The following RNF19A variants were observed in gnomAD, a reference collection of about 807,000 sequenced individuals.
The protein encoded by RNF19A is ring finger protein 19A, RBR E3 ubiquitin protein ligase.
Under a neutral mutation model 75.7 loss-of-function variants are expected in RNF19A, and 32 were observed. The ratio of observed to expected loss-of-function variants is 0.42; its 90% CI spans 0.32 to 0.57. RNF19A has a LOEUF of 0.57. RNF19A is among the 20% of genes least tolerant of loss of function. RNF19A has a pLI of 0.10. For missense variants in RNF19A, 782 were observed against 1,036.3 expected, an observed-to-expected ratio of 0.75 and a Z score of 3.37; for synonymous variants, 335 against 345.2, an observed-to-expected ratio of 0.97 and a Z score of 0.33.
chr8:100,279,114 G>A (rs898323600), intron 2 of RNF19A, among the ~76,000 whole-genome samples: 1 of 152,066 alleles, frequency 6.6e-6, no homozygotes, highest in African/African-American at 2.4e-5. Flanking sequence ...TAGAGAACAA[G>A]ATTTTTGAGA....
At chr8:100,278,234 A>G (rs1051826224) in intron 2 of RNF19A, among the ~76,000 whole-genome samples, 3 of 152,234 alleles carry the variant, frequency 2.0e-5, no homozygotes, top group African/African-American at 7.2e-5. Context: ...CTTTGATAAC[A>G]TTTCTCATAG....
chr8:100,287,371 T>C lies in RNF19A; in HGVS notation c.674+130A>G, dbSNP rs1586646593. 2.7e-6 allele frequency: 2 copies of C among 728,514 alleles called. No homozygotes were observed. Among genetic ancestry groups the C allele is most frequent in the Admixed American group, 2.8e-5 (1 of 35,850 alleles). The allele number at this position is 728,514 out of a possible 1,614,324, so 45.1% of individuals were successfully genotyped here. On this transcript the variant is annotated intron_variant, in intron 2 of 9. Coordinates refer to ENST00000341084, the MANE Select transcript of RNF19A (RefSeq NM_183419.4). This position sits in a 1 kb window ranked among gnomAD's most constrained non-coding sequence, Gnocchi z 4.1. ...AACACCTAGCATAGTGCCTGACATA[T>C]GGTGTGCACTCAACATGTCTGTTGA...
Position 100,269,900 on chromosome 8 carries a change from T to C in RNF19A, c.997A>G (p.Met333Val). ...TAATGCAAATCTGAGATTTCTTTCA[T>C]ACACAACCAACAAAACTCACAACCA... ...VCGCEFCWLC[M>V]KEISDLHYLS... The change falls in exon 4 of 10, where the codon ATG becomes GTG. Residue 333 changes from methionine (M) to valine (V), a missense_variant. Physicochemically the swap from Met to Val is conservative, Grantham distance 21. Coordinates refer to ENST00000341084, the MANE Select transcript of RNF19A (RefSeq NM_183419.4). The surrounding 1 kb of genome is among the most constrained non-coding windows in gnomAD (Gnocchi z 5.7). 5 of 1,609,620 alleles carry C rather than the reference T, an allele frequency of 3.1e-6. No individual in the cohort carries two copies. The highest frequency in any genetic ancestry group is 4.2e-6 in the Non-Finnish European group (5 of 1,177,972).
chr8:100,276,476 G>T (rs916669384), intron 2 of RNF19A, among the ~76,000 whole-genome samples: 2 of 151,948 alleles, frequency 1.3e-5, no homozygotes, highest in Non-Finnish European at 2.9e-5. Flanking sequence ...CACAGGCCAG[G>T]CATGGTGGCT....
Position 100,261,131 on chromosome 8 carries a change from G to A in RNF19A, c.1682+411C>T, listed in dbSNP as rs1272622179. On this transcript the variant is annotated intron_variant, in intron 8 of 9. Transcript: ENST00000341084. This position sits in a 1 kb window ranked among gnomAD's most constrained non-coding sequence, Gnocchi z 4.4. ...TTTTTTTTTGAGACAGGGTCTCACT[G>A]TCACTCAGGTTGGAGCTCAGTGGTG... Among the ~76,000 whole-genome samples, 4 of 151,764 alleles carry A rather than the reference G, an allele frequency of 2.6e-5. No individual in the cohort carries two copies. The highest frequency in any genetic ancestry group is 7.3e-5 in the African/African-American group (3 of 41,290).
At chr8:100,281,231 C>T (rs533661172) in intron 2 of RNF19A, among the ~76,000 whole-genome samples, 2 of 152,288 alleles carry the variant, frequency 1.3e-5, no homozygotes, top group South Asian at 2.1e-4. Flanking sequence ...AAACAGCAGT[C>T]TCTCCAGAAG....
At position 100,331,908 on chromosome 8, in the gene RNF19A, T is replaced by A. The variant is rs1366740974; in HGVS notation, c.-243+4200A>T. Among the ~76,000 whole-genome samples the A allele has an allele frequency of 6.6e-6, 1 of 152,166 alleles. No homozygotes were observed. Among genetic ancestry groups the A allele is most frequent in the East Asian group, 1.9e-4 (1 of 5,198 alleles). On this transcript the variant is annotated intron_variant, in intron 1 of 3. Coordinates refer to the RNF19A transcript ENST00000519527. The surrounding 1 kb of genome is among the most constrained non-coding windows in gnomAD (Gnocchi z 5.2). ...TACTCAAGAATATATCTTGGAGAAT[T>A]ACTATTAATATATCAGTACCTACAA...
chr8:100,309,440 G>A, intron 1 of RNF19A: 8 of 985,462 alleles, frequency 8.1e-6, no homozygotes, highest in Non-Finnish European at 9.6e-6. Flanking sequence ...TTCCGCCCCC[G>A]CCGCCTCCCC....
At chr8:100,276,890 T>C (rs554955989) in intron 2 of RNF19A, among the ~76,000 whole-genome samples, 5 of 151,898 alleles carry the variant, frequency 3.3e-5, no homozygotes, top group African/African-American at 1.2e-4. Flanking sequence ...ATCAGGAAAT[T>C]TGAGTGAGAT....
intron 2 of RNF19A, among the ~76,000 whole-genome samples, chr8:100,277,697 A>T (rs1820592229): frequency 6.6e-6 from 1 of 152,232 alleles, no homozygotes; most frequent in Admixed American, 6.5e-5. Flanking sequence ...TATAATCAGC[A>T]ATGGGTAATT....
chr8:100,317,577 A>G lies in RNF19A; in HGVS notation c.-242-4205T>C, dbSNP rs1256569405. Among the ~76,000 whole-genome samples, 2 of 152,014 alleles carry G rather than the reference A, an allele frequency of 1.3e-5. No individual in the cohort carries two copies. The highest frequency in any genetic ancestry group is 2.4e-5 in the African/African-American group (1 of 41,384). On this transcript the variant is annotated intron_variant, in intron 1 of 3. Coordinates refer to the RNF19A transcript ENST00000519527. This position sits in a 1 kb window ranked among gnomAD's most constrained non-coding sequence, Gnocchi z 4.3. ...CTCAGGCGACTGTTCCCATTTGCCTACTCCAGTCTTTCTTGGTTCCCTTCC... is the reference window on the plus strand; with the variant it reads ...CTCAGGCGACTGTTCCCATTTGCCTGCTCCAGTCTTTCTTGGTTCCCTTCC...
chr8:100,302,147 T>C (rs567910346), intron 1 of RNF19A, among the ~76,000 whole-genome samples: 28 of 152,326 alleles, frequency 1.8e-4, no homozygotes, highest in Non-Finnish European at 3.2e-4. Flanking sequence ...ACAGGGAAAC[T>C]TGGGTTTCTA....
intron 2 of RNF19A, among the ~76,000 whole-genome samples, chr8:100,286,541 T>C (rs1821028706): frequency 6.6e-6 from 1 of 152,218 alleles, no homozygotes; most frequent in Non-Finnish European, 1.5e-5. Context: ...AAACACTACT[T>C]TTCTCATTTA....
At chr8:100,335,816 G>A (rs1001315783) in intron 1 of RNF19A, among the ~76,000 whole-genome samples, 1 of 152,226 alleles carries the variant, frequency 6.6e-6, no homozygotes, top group African/African-American at 2.4e-5. Context: ...CAGTCCCTGC[G>A]GAGGTGCGGG....
rs973029688 is a variant in RNF19A at position 100,317,520 on chromosome 8, T to G, written c.-242-4148A>C. ...TTATTTCCCCTCCCACCCATTCTTC[T>G]GACATATCCCCAAAGGTCTTCTTGA... On this transcript the variant is annotated intron_variant, in intron 1 of 3. Transcript: ENST00000519527. The surrounding 1 kb of genome is among the most constrained non-coding windows in gnomAD (Gnocchi z 4.3). 2.0e-5 allele frequency among the ~76,000 whole-genome samples: 3 copies of G among 152,228 alleles called. No homozygotes were observed. The highest frequency in any genetic ancestry group is 4.4e-5 in the Non-Finnish European group (3 of 68,032).
chr8:100,332,897 A>G lies in RNF19A; in HGVS notation c.-243+3211T>C, dbSNP rs912372851. Among the ~76,000 whole-genome samples, 3 of 152,004 alleles carry G rather than the reference A, an allele frequency of 2.0e-5. No individual in the cohort carries two copies. The highest frequency in any genetic ancestry group is 7.3e-5 in the African/African-American group (3 of 41,374). On this transcript the variant is annotated intron_variant, in intron 1 of 3. Transcript: ENST00000519527. This position sits in a 1 kb window ranked among gnomAD's most constrained non-coding sequence, Gnocchi z 4.8. Reference sequence around the variant, plus strand: ...TTTTGTGGAAATTAGCCTCTTTTCTATCATATGTGTTTCAATTTTTTTCTA... The same window carrying G: ...TTTTGTGGAAATTAGCCTCTTTTCTGTCATATGTGTTTCAATTTTTTTCTA...
intron 3 of RNF19A, among the ~76,000 whole-genome samples, chr8:100,272,841 C>T (rs905711057): frequency 6.0e-5 from 8 of 132,768 alleles, no homozygotes; most frequent in African/African-American, 1.0e-4. Flanking sequence ...TAAGCCACTG[C>T]GCCCAGCCCT....
At chr8:100,327,930 G>C (rs1413200825) in intron 1 of RNF19A, among the ~76,000 whole-genome samples, 2 of 152,198 alleles carry the variant, frequency 1.3e-5, no homozygotes, top group Non-Finnish European at 2.9e-5. Flanking sequence ...AGCTATTGCA[G>C]AGATTTGTGA....
rs144035955 is a variant in RNF19A at position 100,307,710 on chromosome 8, G to C, written c.-94+2157C>G. On this transcript the variant is annotated intron_variant, in intron 1 of 9. Coordinates refer to ENST00000341084, the MANE Select transcript of RNF19A (RefSeq NM_183419.4). ...TTCAATCCAACCCCAATAAAATAGA[G>C]GTGACCCAAGTGTCTTACATCCTCA... is the stretch of plus-strand genomic sequence containing the variant. Among the ~76,000 whole-genome samples the C allele has an allele frequency of 4.5e-4, 69 of 152,076 alleles. 1 individual carries two copies. The East Asian group carries it at 0.013, about 28-fold the overall frequency.
Sources: gnomAD v4.1 joint callset for allele counts (sites outside exome capture counted in the v4.1 genomes callset) on GRCh38, gnomAD v4.1.1 for gene constraint, Gnocchi (gnomAD v3.1) non-coding constraint, MANE v1.5 for transcripts, NCBI Gene and HGNC (gene_info 2026-07-23, HGNC 2026-07-21) for gene names.